PNCK: variants seen among roughly 807,000 people sequenced by gnomAD.
PNCK encodes calcium/calmodulin-dependent protein kinase type 1B.
Under a neutral mutation model 28.3 loss-of-function variants are expected in PNCK, and 21 were observed. That is an observed-to-expected ratio of 0.74 (90% confidence interval 0.53 to 1.07). PNCK has a LOEUF of 1.07. Among genes scored for constraint, PNCK ranks in the 50% least tolerant of loss-of-function variants. The pLI is 0.00. For missense variants in PNCK, 250 were observed against 298.3 expected, an observed-to-expected ratio of 0.84 and a Z score of 1.19; for synonymous variants, 136 against 125.2, an observed-to-expected ratio of 1.09 and a Z score of -0.58.
chrX:153,685,856 C>T (rs2091416665), intron 1 of PNCK, among the ~76,000 whole-genome samples: 1 of 112,924 alleles, frequency 8.9e-6, no homozygotes, highest in Admixed American at 9.2e-5. Flanking sequence ...ACTATGGGGT[C>T]CAGACCAGCT....
chrX:153,671,347 C>T lies in PNCK; in HGVS notation c.552G>A (p.Leu184=), dbSNP rs1364062503. Residue 184 remains leucine, a synonymous_variant, in exon 7 of 12, where the codon TTG becomes TTA. Coordinates refer to ENST00000340888, the MANE Select transcript of PNCK (RefSeq NM_001366977.1). ...CGGCCTTCCCGTAGGGTTTCTGCTC[C>T]AAGAGCTCTGGGGCTGGGGGCCAGA... ...GTPGYVAPEL[L]EQKPYGKAVD... The T allele has an allele frequency of 3.3e-6, 4 of 1,210,439 alleles. No homozygotes were observed. Among genetic ancestry groups the T allele is most frequent in the Non-Finnish European group, 4.5e-6 (4 of 895,243 alleles).
chrX:153,685,596 C>T (rs2091415529), intron 1 of PNCK, among the ~76,000 whole-genome samples: 1 of 112,617 alleles, frequency 8.9e-6, no homozygotes, highest in African/African-American at 3.2e-5. Flanking sequence ...AAGGGAAGCC[C>T]AGGCTGTGGG....
upstream of PNCK, chrX:153,674,888 T>A (rs1458587820): frequency 1.8e-5 from 2 of 111,754 alleles, no homozygotes; most frequent in Non-Finnish European, 3.8e-5. Context: ...GAAGAGTTTT[T>A]AAAAAATCAT....
chrX:153,676,436 A>G (rs1358226291), upstream of PNCK, among the ~76,000 whole-genome samples: 1 of 112,356 alleles, frequency 8.9e-6, no homozygotes, highest in Non-Finnish European at 1.9e-5. Flanking sequence ...GCCAATGGAA[A>G]CAGGACACAG....
intron 1 of PNCK, among the ~76,000 whole-genome samples, chrX:153,686,248 G>A (rs1245056650): frequency 8.9e-6 from 1 of 111,951 alleles, no homozygotes; most frequent in Admixed American, 9.4e-5. Context: ...AGGAGTAACC[G>A]CAGCAGTGGT....
intron 4 of PNCK, 27 bp from the exon 5 acceptor site, chrX:153,672,045 C>T (rs781888846): frequency 1.7e-6 from 2 of 1,206,164 alleles, no homozygotes; most frequent in African/African-American, 3.5e-5. Context: ...TTTGGCTGAC[C>T]CAGGCACTCA....
chrX:153,675,151 G>A (rs2091358060), upstream of PNCK: 1 of 112,455 alleles, frequency 8.9e-6, no homozygotes, highest in Non-Finnish European at 1.9e-5. Flanking sequence ...ATGACAGCAG[G>A]AAGTGCAATT....
chrX:153,671,835 G>A, intron 5 of PNCK, 45 bp downstream of exon 5: 3 of 1,196,397 alleles, frequency 2.5e-6, no homozygotes, highest in Non-Finnish European at 3.4e-6. Context: ...GGCAGGGCCA[G>A]GTGGGCAGGT....
upstream of PNCK, chrX:153,674,386 C>T: frequency 2.4e-6 from 1 of 419,779 alleles, no homozygotes; most frequent in South Asian, 7.2e-5. Flanking sequence ...TAGGGGGCGG[C>T]CTAACGACTG....
upstream of PNCK, among the ~76,000 whole-genome samples, chrX:153,679,888 C>T (rs115011921): frequency 0.019 from 2,123 of 109,923 alleles, 50 homozygotes; most frequent in African/African-American, 0.064. Context: ...CCATCTTCTT[C>T]AAAAAATTTA....
chrX:153,671,532 A>C lies in PNCK; in HGVS notation c.538+17T>G, dbSNP rs782518787. On this transcript the variant is annotated intron_variant, in intron 6 of 11. Coordinates refer to ENST00000340888, the MANE Select transcript of PNCK (RefSeq NM_001366977.1). ...GGCCACCCCACTCCCAGCAAGCCTCAGGGTGTCGTCCCTCACCCACATATC... is the reference window on the plus strand; with the variant it reads ...GGCCACCCCACTCCCAGCAAGCCTCCGGGTGTCGTCCCTCACCCACATATC... 5.0e-6 allele frequency: 6 copies of C among 1,210,322 alleles called. No homozygotes were observed. The highest frequency in any genetic ancestry group is 6.7e-6 in the Non-Finnish European group (6 of 895,175).
chrX:153,676,870 A>T (rs1462495133), upstream of PNCK, among the ~76,000 whole-genome samples: 6 of 110,608 alleles, frequency 5.4e-5, no homozygotes, highest in African/African-American at 2.0e-4. Flanking sequence ...ATCTCAAAAA[A>T]AAAAAAAAAG....
intron 1 of PNCK, among the ~76,000 whole-genome samples, chrX:153,680,552 T>G (rs1430119998): frequency 2.1e-5 from 2 of 93,737 alleles, no homozygotes; most frequent in Non-Finnish European, 3.8e-5. Flanking sequence ...AGCCTCAGAT[T>G]TTTTTTTTAT....
chrX:153,681,666 C>T (rs1180107381), intron 1 of PNCK, among the ~76,000 whole-genome samples: 12 of 111,750 alleles, frequency 1.1e-4, no homozygotes, highest in African/African-American at 3.9e-4. Context: ...GCCAAGAAAA[C>T]CTGAATAAAC....
chrX:153,672,915 C>T (rs1365277680), intron 2 of PNCK, 94 bp downstream of exon 2: 2 of 1,014,457 alleles, frequency 2.0e-6, no homozygotes, highest in African/African-American at 3.8e-5. Context: ...CATCTCACAC[C>T]CACTCGCGTA....
upstream of PNCK, among the ~76,000 whole-genome samples, chrX:153,679,592 GAC>G (rs1282997765): frequency 2.2e-5 from 1 of 44,507 alleles, no homozygotes; most frequent in Non-Finnish European, 3.9e-5. Flanking sequence ...TTTTTTTTGA[GAC>G]ACAGTCTTAT....
intron 11 of PNCK, 80 bp from the exon 12 acceptor site, chrX:153,670,210 A>C: frequency 9.3e-6 from 4 of 428,430 alleles, no homozygotes; most frequent in African/African-American, 5.1e-5. Flanking sequence ...CGCCTCGGTC[A>C]AATCCCGGAC....
At chrX:153,685,414 G>A (rs1490390791) in intron 1 of PNCK, among the ~76,000 whole-genome samples, 2 of 110,456 alleles carry the variant, frequency 1.8e-5, no homozygotes, top group Non-Finnish European at 3.8e-5. Flanking sequence ...AGCTCCGGCC[G>A]GAGCTCCCCG....
At chrX:153,670,636 C>T in intron 10 of PNCK, 42 bp from the exon 11 acceptor site, 1 of 1,199,043 alleles carries the variant, frequency 8.3e-7, no homozygotes, top group Non-Finnish European at 1.1e-6. Flanking sequence ...TGGGCCCAGG[C>T]CCCAGCCCCT....
Sources: gnomAD v4.1 joint callset for allele counts (sites outside exome capture counted in the v4.1 genomes callset) on GRCh38, gnomAD v4.1.1 for gene constraint, MANE v1.5 for transcripts, NCBI Gene and HGNC (gene_info 2026-07-23, HGNC 2026-07-21) for gene names.